TBC1D5: variants seen among roughly 807,000 people sequenced by gnomAD.
The protein encoded by TBC1D5 is TBC1 domain family member 5.
TBC1D5 carries 75 observed loss-of-function variants against 100.3 expected under a neutral mutation model. That is an observed-to-expected ratio of 0.75 (90% CI 0.62 to 0.91). The LOEUF (loss-of-function observed/expected upper bound fraction) is 0.91, where lower values mean the gene tolerates loss of function less well. Among genes scored for constraint, TBC1D5 ranks in the 40% least tolerant of loss-of-function variants. TBC1D5 has a pLI of 0.00. For missense variants in TBC1D5, 910 were observed against 942.4 expected (o/e 0.97, Z 0.45); for synonymous variants, 323 against 325.6 (o/e 0.99, Z 0.09).
intron 3 of TBC1D5, among the ~76,000 whole-genome samples, chr3:17,455,789 G>A (rs1559925917): frequency 6.6e-6 from 1 of 152,090 alleles, no homozygotes; most frequent in Admixed American, 6.5e-5. Context: ...AGGCAGCTGA[G>A]ACTGCACTAC....
At chr3:17,630,481 T>C (rs1335720949) in intron 1 of TBC1D5, among the ~76,000 whole-genome samples, 1 of 152,176 alleles carries the variant, frequency 6.6e-6, no homozygotes, top group Non-Finnish European at 1.5e-5. Flanking sequence ...ATTATAATTA[T>C]GTTGGGGCAC....
At chr3:17,733,994 C>T (rs1354909021) in intron 1 of TBC1D5, among the ~76,000 whole-genome samples, 2 of 151,924 alleles carry the variant, frequency 1.3e-5, no homozygotes, top group Admixed American at 6.6e-5. Context: ...GGCAACAGTG[C>T]AAGACCCTGC....
intron 1 of TBC1D5, among the ~76,000 whole-genome samples, chr3:17,704,869 G>T (rs1393290507): frequency 9.3e-6 from 1 of 107,444 alleles, no homozygotes; most frequent in African/African-American, 3.8e-5. Context: ...CTGGCCGGGC[G>T]GGGGGCTGAC....
At position 17,680,979 on chromosome 3, in the gene TBC1D5, T is replaced by C. The variant is rs936616868; in HGVS notation, c.-100-57066A>G. 9.2e-5 allele frequency among the ~76,000 whole-genome samples: 14 copies of C among 151,482 alleles called. 1 individual carries two copies. The highest frequency in any genetic ancestry group is 2.9e-4 in the African/African-American group (12 of 40,780). On this transcript the variant is annotated intron_variant, in intron 1 of 21. Coordinates refer to ENST00000253692, the Ensembl canonical transcript of TBC1D5. The stretch of plus-strand genomic sequence containing the variant: ...CTTGATTGCTCTACTAAAACATCAG[T>C]GCAGGGACCCAAACTACTTCATATG...
intron 2 of TBC1D5, among the ~76,000 whole-genome samples, chr3:17,509,252 AT>A (rs1215300987): frequency 6.6e-6 from 1 of 151,900 alleles, no homozygotes; most frequent in Non-Finnish European, 1.5e-5. Context: ...TATGTAACCA[AT>A]TCCTTATTTA....
At chr3:17,493,115 C>G (rs138103581) in intron 3 of TBC1D5, among the ~76,000 whole-genome samples, 168 of 152,254 alleles carry the variant, frequency 1.1e-3, no homozygotes, top group African/African-American at 3.9e-3. Context: ...GGAGATCTTG[C>G]AAGGCAAGCC....
chr3:17,689,758 C>T (rs1253823740), intron 1 of TBC1D5, among the ~76,000 whole-genome samples: 1 of 152,066 alleles, frequency 6.6e-6, no homozygotes, highest in Non-Finnish European at 1.5e-5. Flanking sequence ...GGACATTTGG[C>T]AATGTCTAGA....
chr3:17,354,651 C>A (rs1461765353), intron 13 of TBC1D5, among the ~76,000 whole-genome samples: 2 of 151,156 alleles, frequency 1.3e-5, no homozygotes, highest in Non-Finnish European at 2.9e-5. Flanking sequence ...TGTTTTATTA[C>A]AGATAGGCTT....
intron 1 of TBC1D5, among the ~76,000 whole-genome samples, chr3:17,667,651 C>T (rs2067421784): frequency 6.6e-6 from 1 of 151,828 alleles, no homozygotes; most frequent in East Asian, 1.9e-4. Flanking sequence ...GGAGTTTCGC[C>T]ATGTTGCCCA....
chr3:17,257,542 C>A (rs1280316408), intron 16 of TBC1D5, among the ~76,000 whole-genome samples: 5 of 152,138 alleles, frequency 3.3e-5, no homozygotes, highest in African/African-American at 1.2e-4. Flanking sequence ...CATGGTACAT[C>A]AATATATGGA....
chr3:17,316,973 A>G (rs528144535), intron 13 of TBC1D5, among the ~76,000 whole-genome samples: 1 of 152,308 alleles, frequency 6.6e-6, no homozygotes, highest in Non-Finnish European at 1.5e-5. Context: ...CCATGCTGAC[A>G]ACTCTTAATC....
intron 3 of TBC1D5, among the ~76,000 whole-genome samples, chr3:17,492,875 C>T (rs2095656269): frequency 6.6e-6 from 1 of 152,180 alleles, no homozygotes; most frequent in Non-Finnish European, 1.5e-5. Flanking sequence ...ACTGATGGGT[C>T]TTGACTCTTT....
At chr3:17,727,770 C>T (rs1452202045) in intron 1 of TBC1D5, among the ~76,000 whole-genome samples, 1 of 152,088 alleles carries the variant, frequency 6.6e-6, no homozygotes, top group African/African-American at 2.4e-5. Context: ...TGTTCCAGAG[C>T]ACAGAGAAAG....
chr3:17,533,975 C>T (rs1285282188), intron 2 of TBC1D5, among the ~76,000 whole-genome samples: 1 of 152,062 alleles, frequency 6.6e-6, no homozygotes, highest in African/African-American at 2.4e-5. Flanking sequence ...CTCTCTCTAA[C>T]CTATATAACC....
At chr3:17,676,807 T>C (rs2068704383) in intron 1 of TBC1D5, among the ~76,000 whole-genome samples, 1 of 152,088 alleles carries the variant, frequency 6.6e-6, no homozygotes, top group Admixed American at 6.5e-5. Context: ...AACAGAGATA[T>C]AGACCAATGG....
At chr3:17,362,047 G>C (rs1212192269) in intron 13 of TBC1D5, among the ~76,000 whole-genome samples, 1 of 151,940 alleles carries the variant, frequency 6.6e-6, no homozygotes, top group African/African-American at 2.4e-5. Flanking sequence ...ATGGAGAAAG[G>C]GTAGTCTTTC....
chr3:17,540,905 C>CAAAAAAAA (rs71634807), intron 2 of TBC1D5, among the ~76,000 whole-genome samples: 1 of 31,454 alleles, frequency 3.2e-5, no homozygotes, highest in Non-Finnish European at 5.0e-5. Context: ...GGCTCCATCT[C>CAAAAAAAA]AAAAAAAAAA....
intron 2 of TBC1D5, among the ~76,000 whole-genome samples, chr3:17,572,949 C>G (rs1576781714): frequency 6.6e-6 from 1 of 152,190 alleles, no homozygotes; most frequent in East Asian, 1.9e-4. Context: ...TTTGTTCTAT[C>G]AATGCCAAAC....
At position 17,729,972 on chromosome 3, in the gene TBC1D5, G is replaced by A. The variant is rs1260776463; in HGVS notation, c.-101+9371C>T. 3.9e-5 allele frequency among the ~76,000 whole-genome samples: 6 copies of A among 151,946 alleles called. No individual in the cohort carries two copies. The East Asian group carries it at 9.7e-4, about 25-fold the overall frequency. On this transcript the variant is annotated intron_variant, in intron 1 of 21. Coordinates refer to ENST00000253692, the Ensembl canonical transcript of TBC1D5. ...AAAAATACAAAAAAATTAGTCGGGC[G>A]TGGTGGCAGGCACCTGTAATCCCAG...
Sources: gnomAD v4.1 joint callset for allele counts (sites outside exome capture counted in the v4.1 genomes callset) on GRCh38, gnomAD v4.1.1 for gene constraint, MANE v1.5 for transcripts, NCBI Gene and HGNC (gene_info 2026-07-23, HGNC 2026-07-21) for gene names.